Variants in EYS observed in about 807,000 individuals in gnomAD.
EYS encodes EGF-like photoreceptor maintenance factor.
A neutral mutation model predicts 282.1 loss-of-function variants in EYS; 250 were observed. The observed-to-expected ratio is 0.89, with a 90% CI of 0.80 to 0.98. EYS has a LOEUF of 0.98. EYS is among the 50% of genes least tolerant of loss of function. The probability of loss-of-function intolerance (pLI) is 0.00; values close to 1 mark genes in which losing one functional copy is unlikely to be tolerated. For synonymous variants in EYS, 1,355 were observed against 1,282.9 expected (o/e 1.06, Z -1.20); for missense variants, 4,016 against 3,709.0 (o/e 1.08, Z -2.15).
At chr6:65,418,175 T>C (rs754354005) in intron 5 of EYS, among the ~76,000 whole-genome samples, 4 of 152,050 alleles carry the variant, frequency 2.6e-5, no homozygotes, top group Non-Finnish European at 5.9e-5. Context: ...CAGCCTAAGT[T>C]CCTATTTAAT....
chr6:64,324,215 T>A (rs949097493), intron 29 of EYS, among the ~76,000 whole-genome samples: 18 of 152,058 alleles, frequency 1.2e-4, no homozygotes, highest in Non-Finnish European at 2.9e-5. Flanking sequence ...CTGATGAACA[T>A]AGAAGCAAGA....
At chr6:64,698,020 A>T (rs553706915) in intron 22 of EYS, among the ~76,000 whole-genome samples, 1 of 152,184 alleles carries the variant, frequency 6.6e-6, no homozygotes, top group South Asian at 2.1e-4. Flanking sequence ...ATAAAACTAG[A>T]AATCACTTCC....
rs796156187 is a variant in EYS at position 65,630,657 on chromosome 6, GAAAT to G, written c.-333+9117_-333+9120del. Reference sequence around the variant, plus strand: ...GAAAACTTGCAGAGTATCAACAAAAGAAATACCATTCTTATATGAAGCACATCAC... The same window carrying G: ...GAAAACTTGCAGAGTATCAACAAAAGACCATTCTTATATGAAGCACATCAC... On this transcript the variant is annotated intron_variant, in intron 2 of 42. Transcript: ENST00000503581. Among the ~76,000 whole-genome samples, 92 of 152,274 alleles carry G rather than the reference GAAAT, an allele frequency of 6.0e-4. 1 individual carries two copies. The highest frequency in any genetic ancestry group is 2.1e-3 in the African/African-American group (89 of 41,560).
At chr6:65,628,034 T>C (rs1582539773) in intron 2 of EYS, among the ~76,000 whole-genome samples, 1 of 152,222 alleles carries the variant, frequency 6.6e-6, no homozygotes, top group Admixed American at 6.5e-5. Flanking sequence ...GGAGAGTCTT[T>C]ATATCTAGCT....
intron 22 of EYS, among the ~76,000 whole-genome samples, chr6:64,800,330 A>T (rs1423910474): frequency 1.3e-5 from 2 of 152,192 alleles, no homozygotes; most frequent in East Asian, 3.9e-4. Context: ...AGAATGTGGC[A>T]TTAAAGTTTA....
intron 26 of EYS, among the ~76,000 whole-genome samples, chr6:64,570,706 AG>A (rs757660607): frequency 1.6e-3 from 247 of 152,346 alleles, no homozygotes; most frequent in Non-Finnish European, 2.4e-3. Context: ...GTCATGCTAA[AG>A]GGATCAATGC....
intron 5 of EYS, among the ~76,000 whole-genome samples, chr6:65,469,624 T>G (rs2127237133): frequency 6.6e-6 from 1 of 152,238 alleles, no homozygotes; most frequent in African/African-American, 2.4e-5. Flanking sequence ...TCTCTGTATT[T>G]TTTATTTCTT....
intron 2 of EYS, among the ~76,000 whole-genome samples, chr6:65,609,126 A>G (rs1765904465): frequency 6.6e-6 from 1 of 152,086 alleles, no homozygotes; most frequent in South Asian, 2.1e-4. Flanking sequence ...TATTTTTTGT[A>G]TGACTGGCAG....
chr6:63,828,962 C>G (rs1460542035), intron 36 of EYS, among the ~76,000 whole-genome samples: 3 of 152,188 alleles, frequency 2.0e-5, no homozygotes, highest in African/African-American at 7.2e-5. Context: ...TTTGATCCAG[C>G]AGTACCCACT....
chr6:63,796,606 G>A (rs11757834), intron 37 of EYS, among the ~76,000 whole-genome samples: 12,376 of 152,108 alleles, frequency 0.081, 560 homozygotes, highest in East Asian at 0.16. Context: ...TGGTAAAATA[G>A]TATCATTTAT....
intron 36 of EYS, chr6:63,821,725 A>G (rs1771330240): frequency 1.3e-5 from 2 of 152,290 alleles, no homozygotes; most frequent in African/African-American, 4.8e-5. Context: ...CTTAAGAGAC[A>G]AAGATCACTC....
At chr6:64,115,678 C>T (rs1255916809) in intron 31 of EYS, among the ~76,000 whole-genome samples, 1 of 152,148 alleles carries the variant, frequency 6.6e-6, no homozygotes, top group Non-Finnish European at 1.5e-5. Context: ...TCACATCCAC[C>T]CATAGGCAAA....
intron 26 of EYS, among the ~76,000 whole-genome samples, chr6:64,474,341 TG>T (rs1239794376): frequency 6.6e-6 from 1 of 152,154 alleles, no homozygotes; most frequent in Non-Finnish European, 1.5e-5. Context: ...TGTGATACCA[TG>T]GGGGGTTATT....
chr6:65,260,602 C>G (rs555521661), intron 12 of EYS, among the ~76,000 whole-genome samples: 9 of 151,864 alleles, frequency 5.9e-5, no homozygotes, highest in African/African-American at 2.2e-4. Context: ...ATTTTTTAAT[C>G]CATCAATTAT....
At chr6:64,360,084 A>G (rs1161702351) in intron 29 of EYS, among the ~76,000 whole-genome samples, 2 of 151,748 alleles carry the variant, frequency 1.3e-5, no homozygotes, top group African/African-American at 4.8e-5. Flanking sequence ...TTTAAAAAGA[A>G]AAACTAAAAC....
intron 7 of EYS, among the ~76,000 whole-genome samples, chr6:65,394,231 C>CGT (rs140207729): frequency 0.011 from 1,579 of 149,668 alleles, 8 homozygotes; most frequent in Middle Eastern, 0.024. Context: ...TATGTGCGCA[C>CGT]GTGTGTGTGT....
At chr6:65,201,283 T>C (rs1159411954) in intron 12 of EYS, among the ~76,000 whole-genome samples, 1 of 152,188 alleles carries the variant, frequency 6.6e-6, no homozygotes, top group Non-Finnish European at 1.5e-5. Flanking sequence ...ATTGACTTAG[T>C]ATGTTAACAT....
At chr6:65,141,664 T>TATCC (rs1764348291) in intron 12 of EYS, among the ~76,000 whole-genome samples, 1 of 84,452 alleles carries the variant, frequency 1.2e-5, no homozygotes, top group South Asian at 2.9e-4. Flanking sequence ...TCTATCTATC[T>TATCC]ATCTATCTAT....
intron 28 of EYS, among the ~76,000 whole-genome samples, chr6:64,421,586 C>T (rs531813239): frequency 6.6e-5 from 10 of 152,138 alleles, no homozygotes; most frequent in African/African-American, 2.4e-4. Flanking sequence ...TGACAAGTAA[C>T]AATTTATCTT....
Sources: allele counts gnomAD v4.1 joint callset (sites outside exome capture counted in the v4.1 genomes callset), GRCh38; gene constraint gnomAD v4.1.1; transcripts MANE v1.5; gene names NCBI Gene and HGNC (gene_info 2026-07-23, HGNC 2026-07-21).